The following THSD7B variants were observed in gnomAD, a reference collection of about 807,000 sequenced individuals.
THSD7B encodes thrombospondin type-1 domain-containing protein 7B.
THSD7B carries 138 observed loss-of-function variants against 213.6 expected under a neutral mutation model. That is an observed-to-expected ratio of 0.65 (90% CI 0.56 to 0.74). The LOEUF (loss-of-function observed/expected upper bound fraction) is 0.74, where lower values mean the gene tolerates loss of function less well. Among genes scored for constraint, THSD7B ranks in the 30% least tolerant of loss-of-function variants. THSD7B has a pLI of 0.00. For synonymous variants in THSD7B, 742 were observed against 687.0 expected (o/e 1.08, Z -1.25); for missense variants, 1,931 against 1,991.5 (o/e 0.97, Z 0.58).
chr2:136,939,463 A>G (rs1474654201), intron 2 of THSD7B, among the ~76,000 whole-genome samples: 1 of 151,332 alleles, frequency 6.6e-6, no homozygotes, highest in East Asian at 2.0e-4. Context: ...TTTACCTAAC[A>G]TACTGGCATG....
chr2:136,951,676 T>C (rs186349139), intron 2 of THSD7B, among the ~76,000 whole-genome samples: 5 of 152,336 alleles, frequency 3.3e-5, no homozygotes, highest in Admixed American at 3.3e-4. Flanking sequence ...TGGGGGAAGA[T>C]GGTTTAATGA....
chr2:136,845,180 T>A (rs1682987109), intron 1 of THSD7B, among the ~76,000 whole-genome samples: 1 of 152,192 alleles, frequency 6.6e-6, no homozygotes, highest in Admixed American at 6.5e-5. Flanking sequence ...GGAGAGACTG[T>A]TGTGCATTGG....
intron 15 of THSD7B, among the ~76,000 whole-genome samples, chr2:137,485,980 G>C (rs934469900): frequency 7.9e-5 from 12 of 152,186 alleles, no homozygotes; most frequent in Middle Eastern, 3.4e-3. Flanking sequence ...TGCCCTAAAA[G>C]AGCTCCTGAA....
chr2:136,975,702 G>GT (rs1319128643), intron 2 of THSD7B, among the ~76,000 whole-genome samples: 8 of 152,136 alleles, frequency 5.3e-5, no homozygotes, highest in Non-Finnish European at 1.2e-4. Context: ...TTTTAAAATA[G>GT]TTTTTTCTAG....
At chr2:137,620,798 T>C (rs1050411558) in intron 20 of THSD7B, 72 bp downstream of exon 20, 23 of 1,297,242 alleles carry the variant, frequency 1.8e-5, no homozygotes, top group African/African-American at 5.9e-5. Context: ...CATAGCTTGA[T>C]AAATGGCATA....
intron 3 of THSD7B, among the ~76,000 whole-genome samples, chr2:137,062,469 A>G (rs554292216): frequency 7.1e-4 from 108 of 151,670 alleles, no homozygotes; most frequent in South Asian, 4.2e-3. Flanking sequence ...GATGCATTCA[A>G]TTTCCTCAAG....
At chr2:137,399,683 C>CT (rs1686305510) in intron 12 of THSD7B, among the ~76,000 whole-genome samples, 4 of 151,920 alleles carry the variant, frequency 2.6e-5, no homozygotes, top group Admixed American at 6.6e-5. Flanking sequence ...TGATTTTTTT[C>CT]TTTTTTTGCA....
chr2:137,369,579 A>C (rs2104947622), intron 12 of THSD7B, among the ~76,000 whole-genome samples: 1 of 152,298 alleles, frequency 6.6e-6, no homozygotes, highest in South Asian at 2.1e-4. Flanking sequence ...AGTTCCAGCT[A>C]AGGGAAGTGA....
At chr2:137,599,794 T>C (rs1682041808) in intron 17 of THSD7B, among the ~76,000 whole-genome samples, 1 of 152,188 alleles carries the variant, frequency 6.6e-6, no homozygotes, top group South Asian at 2.1e-4. Context: ...TACTTTTCAA[T>C]AGAAGCTGGA....
intron 12 of THSD7B, among the ~76,000 whole-genome samples, chr2:137,363,904 T>A (rs1685336928): frequency 6.6e-6 from 1 of 152,134 alleles, no homozygotes; most frequent in Non-Finnish European, 1.5e-5. Flanking sequence ...GCCAACATCA[T>A]CCTGATACCA....
At chr2:136,878,635 T>C (rs553700010) in intron 1 of THSD7B, among the ~76,000 whole-genome samples, 4,095 of 152,192 alleles carry the variant, frequency 0.027, 182 homozygotes, top group African/African-American at 0.092. Context: ...TGGTATCTCA[T>C]TGTGGTTTTG....
In THSD7B at chr2:137,103,030, C is replaced by T. The variant is rs1340833809; in HGVS notation, c.1199+7909C>T. Reference sequence around the variant, plus strand: ...GACCAACATTCAAATTCAGGAAATACAGAGAACACCACAAAAATACTCCTC... The same window carrying T: ...GACCAACATTCAAATTCAGGAAATATAGAGAACACCACAAAAATACTCCTC... On this transcript the variant is annotated intron_variant, in intron 4 of 27. Coordinates refer to ENST00000409968, the MANE Select transcript of THSD7B (RefSeq NM_001316349.2). Among the ~76,000 whole-genome samples the T allele has an allele frequency of 2.0e-5, 3 of 152,120 alleles. No individual in the cohort carries two copies. The East Asian group carries it at 5.8e-4, about 29-fold the overall frequency.
At chr2:137,608,838 A>G (rs1216117061) in intron 17 of THSD7B, among the ~76,000 whole-genome samples, 1 of 152,238 alleles carries the variant, frequency 6.6e-6, no homozygotes, top group Non-Finnish European at 1.5e-5. Context: ...TCTTCACTGA[A>G]GGACCCCAGA....
At chr2:137,533,702 T>C (rs145565652) in intron 15 of THSD7B, among the ~76,000 whole-genome samples, 27 of 152,032 alleles carry the variant, frequency 1.8e-4, no homozygotes, top group African/African-American at 5.5e-4. Flanking sequence ...TTTAATGTAG[T>C]CATAGCATGT....
intron 14 of THSD7B, among the ~76,000 whole-genome samples, chr2:137,421,019 G>T (rs1339360916): frequency 7.2e-6 from 1 of 139,850 alleles, no homozygotes; most frequent in Non-Finnish European, 1.5e-5. Flanking sequence ...TATCACATTG[G>T]ATTCTTCTTC....
chr2:137,132,742 T>G (rs892454974), intron 5 of THSD7B, among the ~76,000 whole-genome samples: 1 of 152,170 alleles, frequency 6.6e-6, no homozygotes, highest in Non-Finnish European at 1.5e-5. Context: ...AGTTCTAGAG[T>G]GCGGTTTCAG....
chr2:137,163,055 A>C (rs1444385499), intron 6 of THSD7B, among the ~76,000 whole-genome samples: 1 of 152,084 alleles, frequency 6.6e-6, no homozygotes, highest in Non-Finnish European at 1.5e-5. Context: ...TGGCTCCTTG[A>C]ACTTTCAGTT....
intron 2 of THSD7B, among the ~76,000 whole-genome samples, chr2:136,923,823 A>G (rs1684477229): frequency 6.6e-6 from 1 of 152,104 alleles, no homozygotes; most frequent in Non-Finnish European, 1.5e-5. Context: ...TTATCGTGTT[A>G]TAGAAGTTCC....
intron 3 of THSD7B, 58 bp downstream of exon 3, chr2:137,057,288 T>C (rs1387014078): frequency 1.2e-5 from 17 of 1,393,992 alleles, no homozygotes; most frequent in Non-Finnish European, 1.6e-5. Context: ...AGTGCAACTT[T>C]ATAAAGCTTC....
Sources: gnomAD v4.1 joint callset for allele counts (sites outside exome capture counted in the v4.1 genomes callset) on GRCh38, gnomAD v4.1.1 for gene constraint, MANE v1.5 for transcripts, NCBI Gene and HGNC (gene_info 2026-07-23, HGNC 2026-07-21) for gene names.